NELFCD: variants seen among roughly 807,000 people sequenced by gnomAD.
NELFCD encodes negative elongation factor complex member C/D.
A neutral mutation model predicts 72.9 loss-of-function variants in NELFCD; 48 were observed. That is an observed-to-expected ratio of 0.66 (90% CI 0.52 to 0.84). The LOEUF is 0.84. Ranked by LOEUF, NELFCD falls within the 40% of genes least tolerant of loss-of-function variation. The pLI is 0.00. For synonymous variants in NELFCD, 297 were observed against 280.6 expected (o/e 1.06, Z -0.59); for missense variants, 538 against 723.8 (o/e 0.74, Z 2.94).
chr20:58,987,545 CATT>C, intron 3 of NELFCD, 160 bp from the exon 4 acceptor site: 1 of 617,592 alleles, frequency 1.6e-6, no homozygotes, highest in Non-Finnish European at 2.9e-6. Flanking sequence ...TTGGTCTTAT[CATT>C]GATAACTACT....
rs2091801684 is a variant in NELFCD at position 58,989,838 on chromosome 20, C to G, written c.658-20C>G. 4 of 1,614,142 alleles carry G rather than the reference C, an allele frequency of 2.5e-6. No individual in the cohort carries two copies. The highest frequency in any genetic ancestry group is 1.7e-6 in the Non-Finnish European group (2 of 1,179,996). ...GCTACAGTAGTAAACCCTGCCCCCT[C>G]TCTCCCTGCAATCTTGCAGAAGATG... On this transcript the variant is annotated intron_variant, in intron 6 of 14. Coordinates refer to ENST00000652272, the MANE Select transcript of NELFCD (RefSeq NM_198976.4).
At position 58,994,181 on chromosome 20, in the gene NELFCD, C is replaced by G; in HGVS notation, c.1653C>G (p.Asp551Glu). The change falls in exon 14 of 15, where the codon GAC becomes GAG. Residue 551 changes from aspartate (D) to glutamate (E), a missense_variant. Transcript: ENST00000652272. ...VQLFLPILEN[D>E]SIAGTIKTEG... is the part of the protein sequence containing the mutation. ...TTTTCCTCCCCATCCTGGAGAATGACAGCATCGCAGGTACCATCAAAACGG... is the reference window on the plus strand; with the variant it reads ...TTTTCCTCCCCATCCTGGAGAATGAGAGCATCGCAGGTACCATCAAAACGG... 6.2e-7 allele frequency: 1 copy of G among 1,614,192 alleles called. No homozygotes were observed. Among genetic ancestry groups the G allele is most frequent in the Non-Finnish European group, 8.5e-7 (1 of 1,180,002 alleles).
rs1184551892 is a variant in NELFCD, at chr20:58,986,667, A to G, written c.177-87A>G. On this transcript the variant is annotated intron_variant, in intron 2 of 14. Transcript: ENST00000652272. This position sits in a 1 kb window ranked among gnomAD's most constrained non-coding sequence, Gnocchi z 4.4. Reference sequence around the variant, plus strand: ...CCCCTCCGCTGCTTTAAAAATTTTGAAACCTGATTCTCTTCCTCCTTCCTT... The same window carrying G: ...CCCCTCCGCTGCTTTAAAAATTTTGGAACCTGATTCTCTTCCTCCTTCCTT... 3 of 977,218 alleles carry G rather than the reference A, an allele frequency of 3.1e-6. No homozygotes were observed. Among genetic ancestry groups the G allele is most frequent in the Non-Finnish European group, 5.0e-6 (3 of 600,770 alleles). 60.5% of individuals were successfully genotyped at this position (977,218 alleles called of 1,614,324 possible).
intron 5 of NELFCD, 120 bp from the exon 6 acceptor site, chr20:58,989,368 G>C (rs2091796135): frequency 8.5e-7 from 1 of 1,180,790 alleles, no homozygotes; most frequent in Admixed American, 1.9e-5. Flanking sequence ...CGGAGTGAAG[G>C]CCTGAGACCC....
At chr20:58,992,063 A>T in intron 10 of NELFCD, 43 bp downstream of exon 10, 2 of 1,546,178 alleles carry the variant, frequency 1.3e-6, no homozygotes, top group Non-Finnish European at 1.7e-6. Context: ...TCCTTTGGGG[A>T]GGAGGTCGTT....
intron 7 of NELFCD, chr20:58,990,400 C>CAA (rs34301819): frequency 2.4e-4 from 30 of 123,472 alleles, no homozygotes; most frequent in South Asian, 9.9e-4. Context: ...AACTCTGTCT[C>CAA]AAAAAAAAAA....
Position 58,993,130 on chromosome 20 carries a change from T to C in NELFCD, c.1344+18T>C. 1 of 1,557,968 alleles carries C rather than the reference T, an allele frequency of 6.4e-7. No individual in the cohort carries two copies. The highest frequency in any genetic ancestry group is 8.9e-7 in the Non-Finnish European group (1 of 1,128,764). ...TGGATGAGGTAAGAGGGCGGAGAGC[T>C]GTTCACAGCCTACACAGTGTCTGTC... On this transcript the variant is annotated intron_variant, in intron 11 of 14. Transcript: ENST00000652272. This position sits in a 1 kb window ranked among gnomAD's most constrained non-coding sequence, Gnocchi z 5.0.
chr20:58,993,291 C>A lies in NELFCD; in HGVS notation c.1345-158C>A. 1.2e-6 allele frequency: 1 copy of A among 833,138 alleles called. No individual in the cohort carries two copies. Among genetic ancestry groups the A allele is most frequent in the Non-Finnish European group, 1.9e-6 (1 of 528,320 alleles). The allele number at this position is 833,138 out of a possible 1,614,324, so 51.6% of individuals were successfully genotyped here. A position where few individuals can be genotyped will look rare whatever the true frequency, so the allele number is the denominator to read the frequency against. ...TTCATTGACTGCAGAAATTTCTTAA[C>A]CTCAGTCAAGTGTTACTGGAAGCTG... On this transcript the variant is annotated intron_variant, in intron 11 of 14. Coordinates refer to ENST00000652272, the MANE Select transcript of NELFCD (RefSeq NM_198976.4). This position sits in a 1 kb window ranked among gnomAD's most constrained non-coding sequence, Gnocchi z 5.0.
chr20:58,990,949 A>G lies in NELFCD; in HGVS notation c.828A>G (p.Thr276=). Residue 276 remains threonine (T), a synonymous_variant, in exon 8 of 15, where the codon ACA becomes ACG. Coordinates refer to ENST00000652272, the MANE Select transcript of NELFCD (RefSeq NM_198976.4). ...DASQITLALG[T]AASYPRACQA... ...GTCAGATCACACTAGCCTTGGGCAC[A>G]GCTGCCTCCTACCCCAGGGCCTGCC... 2.5e-6 allele frequency: 4 copies of G among 1,614,250 alleles called. No homozygotes were observed. Among genetic ancestry groups the G allele is most frequent in the Non-Finnish European group, 3.4e-6 (4 of 1,180,054 alleles).
At position 58,982,960 on chromosome 20, in the gene NELFCD, C is replaced by T. The variant is rs79333068; in HGVS notation, c.60+1591C>T. Reference sequence around the variant, plus strand: ...AAATGAGACGAAAAGACTTACTGACCTGCCCAAGGTCATGAAACTAATAAA... The same window carrying T: ...AAATGAGACGAAAAGACTTACTGACTTGCCCAAGGTCATGAAACTAATAAA... On this transcript the variant is annotated intron_variant, in intron 1 of 14. Transcript: ENST00000652272. Among the ~76,000 whole-genome samples, 863 of 152,140 alleles carry T rather than the reference C, an allele frequency of 5.7e-3. 10 individuals carry two copies. Among genetic ancestry groups the T allele is most frequent in the African/African-American group, 0.02 (831 of 41,500 alleles).
chr20:58,982,304 C>T (rs1407456142), intron 1 of NELFCD, among the ~76,000 whole-genome samples: 1 of 151,818 alleles, frequency 6.6e-6, no homozygotes, highest in East Asian at 1.9e-4. Flanking sequence ...TTACAGGCAC[C>T]CACCACCATG....
Position 58,994,751 on chromosome 20 carries a change from T to C in NELFCD, c.*75T>C. 1 of 1,307,570 alleles carries C rather than the reference T, an allele frequency of 7.6e-7. No individual in the cohort carries two copies. The highest frequency in any genetic ancestry group is 1.8e-5 in the Admixed American group (1 of 55,878). The allele number at this position is 1,307,570 out of a possible 1,614,324, so 81.0% of individuals were successfully genotyped here. On this transcript the variant is annotated 3_prime_UTR_variant, in exon 15 of 15. Transcript: ENST00000652272. ...GAAAAACCCTTTCAAGAAGCTGTTTTAAGAGGCTCGGGCAGCGTCTTGAAA... is the reference window on the plus strand; with the variant it reads ...GAAAAACCCTTTCAAGAAGCTGTTTCAAGAGGCTCGGGCAGCGTCTTGAAA...
Position 58,994,945 on chromosome 20 carries a change from G to C in NELFCD, c.*269G>C, listed in dbSNP as rs1403801663. 1 of 437,198 alleles carries C rather than the reference G, an allele frequency of 2.3e-6. No homozygotes were observed. The highest frequency in any genetic ancestry group is 3.4e-5 in the South Asian group (1 of 29,400). The allele number at this position is 437,198 out of a possible 1,614,324, so 27.1% of individuals were successfully genotyped here. A position where few individuals can be genotyped will look rare whatever the true frequency, so the allele number is the denominator to read the frequency against. On this transcript the variant is annotated 3_prime_UTR_variant, in exon 15 of 15. Transcript: ENST00000652272. The stretch of plus-strand genomic sequence containing the variant: ...CTCAAGGCAGGCGCTGGGCTCCCAC[G>C]ACCCCTCAGGACAGATCTGGCCGTC...
chr20:58,990,165 G>C, intron 7 of NELFCD, 177 bp downstream of exon 7: 2 of 735,900 alleles, frequency 2.7e-6, no homozygotes, highest in Non-Finnish European at 4.3e-6. Context: ...GGGAGGCCGA[G>C]GCGGATGGAT....
In NELFCD at chr20:58,991,000, A is replaced by G. The variant is rs2091812464; in HGVS notation, c.879A>G (p.Lys293=). 1.2e-6 allele frequency: 2 copies of G among 1,614,208 alleles called. No homozygotes were observed. Among genetic ancestry groups the G allele is most frequent in the Non-Finnish European group, 1.7e-6 (2 of 1,180,034 alleles). ...AGGCTCTCGGGGCCATGCTGTCCAA[A>G]GGAGCCCTGAACCCTGCTGACATCA... ...ACQALGAMLS[K]GALNPADITV... Residue 293 remains lysine, a synonymous_variant, in exon 8 of 15, where the codon AAA becomes AAG. Coordinates refer to ENST00000652272, the MANE Select transcript of NELFCD (RefSeq NM_198976.4).
At position 58,994,148 on chromosome 20, in the gene NELFCD, C is replaced by G; in HGVS notation, c.1620C>G (p.Phe540Leu). 1 of 1,614,216 alleles carries G rather than the reference C, an allele frequency of 6.2e-7. No homozygotes were observed. Among genetic ancestry groups the G allele is most frequent in the Non-Finnish European group, 8.5e-7 (1 of 1,180,012 alleles). The change falls in exon 14 of 15, where the codon TTC becomes TTG. Residue 540 changes from phenylalanine (F) to leucine (L), a missense_variant. Phe to Leu is a conservative substitution (Grantham distance 22, BLOSUM62 0). Around this residue, in one of 3 missense-constraint regions of NELFCD, gnomAD observed 136 missense variants for 154.0 expected, o/e 0.88. Coordinates refer to ENST00000652272, the MANE Select transcript of NELFCD (RefSeq NM_198976.4). The part of the protein sequence containing the change: ...DVIAPPYTSD[F>L]VQLFLPILEN... ...TTGCTCCTCCTTATACCTCTGACTTCGTGCAACTTTTCCTCCCCATCCTGG... is the reference window on the plus strand; with the variant it reads ...TTGCTCCTCCTTATACCTCTGACTTGGTGCAACTTTTCCTCCCCATCCTGG...
At position 58,986,197 on chromosome 20, in the gene NELFCD, C is replaced by G; in HGVS notation, c.165C>G (p.Asn55Lys). Residue 55 changes from asparagine (N) to lysine (K), a missense_variant, in exon 2 of 15, where the codon AAC becomes AAG. By Grantham distance (94) the Asn-to-Lys change is moderately conservative. This residue lies in a region of NELFCD where 355 missense variants were observed against 534.5 expected (regional missense o/e 0.66). Coordinates refer to ENST00000652272, the MANE Select transcript of NELFCD (RefSeq NM_198976.4). This position sits in a 1 kb window ranked among gnomAD's most constrained non-coding sequence, Gnocchi z 4.4. Reference sequence around the variant, plus strand: ...ATATCATGGAACCCTCCATCTTCAACACTCTGAAGAGGTATGTGAGAAAGG... The same window carrying G: ...ATATCATGGAACCCTCCATCTTCAAGACTCTGAAGAGGTATGTGAGAAAGG... ...RDYIMEPSIF[N>K]TLKRYFQAGG... The G allele has an allele frequency of 6.2e-7, 1 of 1,601,914 alleles. No homozygotes were observed. Among genetic ancestry groups the G allele is most frequent in the Non-Finnish European group, 8.6e-7 (1 of 1,168,874 alleles).
chr20:58,990,828 T>C (rs2091810560), intron 7 of NELFCD, 82 bp from the exon 8 acceptor site: 3 of 1,238,500 alleles, frequency 2.4e-6, no homozygotes, highest in Non-Finnish European at 3.4e-6. Context: ...ATCCCAACAA[T>C]GCAAAGTATT....
intron 1 of NELFCD, among the ~76,000 whole-genome samples, chr20:58,985,059 A>T (rs1031425352): frequency 6.6e-6 from 1 of 152,244 alleles, no homozygotes; most frequent in African/African-American, 2.4e-5. Context: ...GAAAAAGGCT[A>T]GATAGCAAAT....
Sources: allele counts gnomAD v4.1 joint callset (sites outside exome capture counted in the v4.1 genomes callset), GRCh38; gene constraint gnomAD v4.1.1; regional missense constraint gnomAD v4.1.1; non-coding constraint Gnocchi (gnomAD v3.1); transcripts MANE v1.5; gene names NCBI Gene and HGNC (gene_info 2026-07-23, HGNC 2026-07-21).